The following MBD5 variants were observed in gnomAD, a reference collection of about 807,000 sequenced individuals.
The protein encoded by MBD5 is methyl-CpG-binding domain protein 5.
Under a neutral mutation model 117.3 loss-of-function variants are expected in MBD5, and 13 were observed. That is an observed-to-expected ratio of 0.11 (90% CI 0.07 to 0.18). The LOEUF (loss-of-function observed/expected upper bound fraction) is 0.18. Among genes scored for constraint, MBD5 ranks in the 10% least tolerant of loss-of-function variants. The pLI, the probability that MBD5 is intolerant of heterozygous loss-of-function variation, is 1.00. For synonymous variants in MBD5, 727 were observed against 766.4 expected, an observed-to-expected ratio of 0.95 and a Z score of 0.85; for missense variants, 1,879 against 2,093.8, an observed-to-expected ratio of 0.90 and a Z score of 2.00.
intron 1 of MBD5, among the ~76,000 whole-genome samples, chr2:148,158,780 C>T (rs538110930): frequency 2.0e-5 from 3 of 151,976 alleles, no homozygotes; most frequent in African/African-American, 4.8e-5. Context: ...AGTGCAGTGG[C>T]GCAATCTCAG....
intron 3 of MBD5, among the ~76,000 whole-genome samples, chr2:148,310,828 AGATTCTG>A (rs1702012118): frequency 6.6e-6 from 1 of 152,100 alleles, no homozygotes. Flanking sequence ...TTTGTCCCAG[AGATTCTG>A]GTACATTGTG....
rs1486528994 is a variant in MBD5 at position 148,021,455 on chromosome 2, T to C, written c.-1154T>C. ...CCTCTTAGCAACACAGACCCTTTGC[T>C]GCTGCTGTTGCTGCTGCTGCTGCTG... On this transcript the variant is annotated 5_prime_UTR_variant, in exon 1 of 14. Transcript: ENST00000642680. 3 of 573,632 alleles carry C rather than the reference T, an allele frequency of 5.2e-6. No homozygotes were observed. The highest frequency in any genetic ancestry group is 1.9e-5 in the African/African-American group (1 of 52,832). 35.5% of individuals were successfully genotyped at this position (573,632 alleles called of 1,614,324 possible).
chr2:148,249,786 G>A (rs1004516267), intron 3 of MBD5, among the ~76,000 whole-genome samples: 2 of 151,968 alleles, frequency 1.3e-5, no homozygotes, highest in Non-Finnish European at 2.9e-5. Context: ...TAAATCAGTG[G>A]TTCTCATCCA....
chr2:148,233,703 A>C (rs1409251437), intron 3 of MBD5, among the ~76,000 whole-genome samples: 1 of 152,168 alleles, frequency 6.6e-6, no homozygotes, highest in African/African-American at 2.4e-5. Context: ...GGGCTTTTTC[A>C]TATCTCTCTT....
At position 148,458,326 on chromosome 2, in the gene MBD5, A is replaced by G. The variant is rs1399322014; in HGVS notation, c.-433A>G. ...GTGGCCTATAAAGGCGGGTACCTGG[A>G]AATATTAACCGACTCACACTGTAAA... On this transcript the variant is annotated 5_prime_UTR_variant, in exon 5 of 14. Transcript: ENST00000642680. 2.4e-6 allele frequency: 1 copy of G among 413,028 alleles called. No homozygotes were observed. Among genetic ancestry groups the G allele is most frequent in the African/African-American group, 2.0e-5 (1 of 48,858 alleles). The allele number at this position is 413,028 out of a possible 1,614,324, so 25.6% of individuals were successfully genotyped here.
chr2:148,221,606 A>G (rs1321909761), intron 2 of MBD5, among the ~76,000 whole-genome samples: 1 of 151,986 alleles, frequency 6.6e-6, no homozygotes, highest in East Asian at 1.9e-4. Flanking sequence ...TTTTTTAATC[A>G]GATTATCAGA....
chr2:148,180,182 T>C (rs1471913250), intron 2 of MBD5, among the ~76,000 whole-genome samples: 1 of 151,442 alleles, frequency 6.6e-6, no homozygotes, highest in East Asian at 1.9e-4. Flanking sequence ...ACATAAGTGA[T>C]ATTACTTATT....
intron 2 of MBD5, among the ~76,000 whole-genome samples, chr2:148,189,366 T>C (rs1698771139): frequency 6.6e-6 from 1 of 151,244 alleles, no homozygotes; most frequent in Non-Finnish European, 1.5e-5. Context: ...GTCTGACAGC[T>C]TTGAAGAGAG....
At chr2:148,467,808 T>A (rs1236699204) in intron 7 of MBD5, among the ~76,000 whole-genome samples, 2 of 152,162 alleles carry the variant, frequency 1.3e-5, no homozygotes, top group Non-Finnish European at 2.9e-5. Flanking sequence ...TCTGAGAAGG[T>A]TGCAGTAAGA....
intron 1 of MBD5, among the ~76,000 whole-genome samples, chr2:148,157,539 T>G (rs1477327015): frequency 6.6e-6 from 1 of 152,190 alleles, no homozygotes; most frequent in Admixed American, 6.6e-5. Context: ...ATTCCTTACA[T>G]AGCAGCCTGC....
chr2:148,270,309 C>T (rs1452358816), intron 3 of MBD5, among the ~76,000 whole-genome samples: 1 of 151,910 alleles, frequency 6.6e-6, no homozygotes, highest in African/African-American at 2.4e-5. Flanking sequence ...TGATAGAGAG[C>T]ATTGCCTCTC....
At chr2:148,262,086 GA>G (rs1700746035) in intron 3 of MBD5, among the ~76,000 whole-genome samples, 1 of 152,104 alleles carries the variant, frequency 6.6e-6, no homozygotes, top group Non-Finnish European at 1.5e-5. Flanking sequence ...CAATAATAAT[GA>G]AAAAATTTGA....
At chr2:148,099,410 CTTAA>C (rs1419890175) in intron 1 of MBD5, among the ~76,000 whole-genome samples, 1 of 151,942 alleles carries the variant, frequency 6.6e-6, no homozygotes, top group Non-Finnish European at 1.5e-5. Context: ...TAGTTTCAGA[CTTAA>C]TTAATGAAAA....
chr2:148,387,925 T>C (rs1447676818), intron 4 of MBD5, among the ~76,000 whole-genome samples: 1 of 152,188 alleles, frequency 6.6e-6, no homozygotes, highest in Non-Finnish European at 1.5e-5. Flanking sequence ...TCTCTCCAAA[T>C]TGATTCATAA....
At chr2:148,188,433 G>C (rs879846463) in intron 2 of MBD5, among the ~76,000 whole-genome samples, 1 of 152,114 alleles carries the variant, frequency 6.6e-6, no homozygotes, top group Non-Finnish European at 1.5e-5. Context: ...ATGCCTGTAA[G>C]TAAACACTTT....
chr2:148,276,174 G>A (rs1466775231), intron 3 of MBD5, among the ~76,000 whole-genome samples: 1 of 152,080 alleles, frequency 6.6e-6, no homozygotes. Flanking sequence ...CAAAAAGTTA[G>A]CCAAATGTAA....
intron 1 of MBD5, among the ~76,000 whole-genome samples, chr2:148,086,700 G>A (rs1231694402): frequency 6.6e-6 from 1 of 151,962 alleles, no homozygotes; most frequent in African/African-American, 2.4e-5. Flanking sequence ...AATAGGGGTG[G>A]GATTCTTTTT....
chr2:148,209,185 C>A (rs1245121223), intron 2 of MBD5, among the ~76,000 whole-genome samples: 1 of 152,094 alleles, frequency 6.6e-6, no homozygotes, highest in Non-Finnish European at 1.5e-5. Context: ...TTATATATCT[C>A]ATTGTGTTAT....
At chr2:148,038,949 A>G (rs1313996340) in intron 1 of MBD5, among the ~76,000 whole-genome samples, 3 of 152,112 alleles carry the variant, frequency 2.0e-5, no homozygotes, top group African/African-American at 7.2e-5. Flanking sequence ...TTTGAGAAGT[A>G]AATAAACTGT....
Sources: gnomAD v4.1 joint callset for allele counts (sites outside exome capture counted in the v4.1 genomes callset) on GRCh38, gnomAD v4.1.1 for gene constraint, MANE v1.5 for transcripts, NCBI Gene and HGNC (gene_info 2026-07-23, HGNC 2026-07-21) for gene names.